The following EBF1 variants were observed in gnomAD, a reference collection of about 807,000 sequenced individuals.
EBF1 encodes EBF transcription factor 1.
EBF1 carries 10 observed loss-of-function variants against 68.4 expected under a neutral mutation model. The observed-to-expected ratio is 0.15, with a 90% CI of 0.09 to 0.25. The LOEUF is 0.25. Among genes scored for constraint, EBF1 ranks in the 10% least tolerant of loss-of-function variants. EBF1 has a pLI of 1.00. For missense variants in EBF1, 509 were observed against 794.4 expected (o/e 0.64, Z 4.32); for synonymous variants, 298 against 299.8 (o/e 0.99, Z 0.06).
intron 10 of EBF1, among the ~76,000 whole-genome samples, chr5:158,756,656 C>G (rs1278498483): frequency 6.6e-6 from 1 of 151,630 alleles, no homozygotes; most frequent in Non-Finnish European, 1.5e-5. Flanking sequence ...CATGCAAACT[C>G]TATCCTTGCA....
chr5:158,982,791 T>TAC (rs1321408662), intron 6 of EBF1, among the ~76,000 whole-genome samples: 1 of 141,246 alleles, frequency 7.1e-6, no homozygotes, highest in Non-Finnish European at 1.6e-5. Flanking sequence ...TATATATATA[T>TAC]ATATAGTGGT....
chr5:158,961,050 T>C (rs1311881779), intron 6 of EBF1, among the ~76,000 whole-genome samples: 2 of 152,192 alleles, frequency 1.3e-5, no homozygotes, highest in Non-Finnish European at 2.9e-5. Context: ...AAAATATGCA[T>C]ATAAATGGCC....
chr5:158,982,290 AT>A (rs1222798205), intron 6 of EBF1, among the ~76,000 whole-genome samples: 1 of 152,216 alleles, frequency 6.6e-6, no homozygotes. Flanking sequence ...GTTGTTACTA[AT>A]AGTATTATTT....
intron 10 of EBF1, among the ~76,000 whole-genome samples, chr5:158,771,958 T>C (rs1773964654): frequency 6.6e-6 from 1 of 152,112 alleles, no homozygotes; most frequent in Non-Finnish European, 1.5e-5. Flanking sequence ...GAGTTTGAAC[T>C]GGATCCTTCA....
At chr5:159,050,208 CT>C (rs1450465609) in intron 6 of EBF1, among the ~76,000 whole-genome samples, 3 of 148,184 alleles carry the variant, frequency 2.0e-5, no homozygotes, top group African/African-American at 7.5e-5. Context: ...CTCTCCTCTC[CT>C]CCCTCTCTCT....
intron 4 of EBF1, among the ~76,000 whole-genome samples, chr5:159,091,129 T>C (rs1584549029): frequency 6.6e-6 from 1 of 152,232 alleles, no homozygotes; most frequent in East Asian, 1.9e-4. Flanking sequence ...AATGCATCTC[T>C]ACTAATATGT....
chr5:158,767,429 C>T (rs1451033888), intron 10 of EBF1, among the ~76,000 whole-genome samples: 1 of 152,094 alleles, frequency 6.6e-6, no homozygotes, highest in Non-Finnish European at 1.5e-5. Context: ...CAGGTAATTC[C>T]ATAAATTAAC....
intron 10 of EBF1, among the ~76,000 whole-genome samples, chr5:158,742,104 C>T (rs1002574229): frequency 6.6e-6 from 1 of 152,206 alleles, no homozygotes; most frequent in Non-Finnish European, 1.5e-5. Flanking sequence ...GCAAGTTAGG[C>T]CAACCAAGGG....
intron 6 of EBF1, among the ~76,000 whole-genome samples, chr5:159,007,553 C>T (rs990133905): frequency 3.3e-5 from 5 of 152,138 alleles, no homozygotes; most frequent in African/African-American, 7.2e-5. Flanking sequence ...AAATTTGGTT[C>T]GCTCTGGTTG....
chr5:158,819,025 C>G (rs527347112), intron 8 of EBF1, among the ~76,000 whole-genome samples: 2 of 151,542 alleles, frequency 1.3e-5, no homozygotes, highest in Non-Finnish European at 2.9e-5. Flanking sequence ...AGCTCTAGAA[C>G]GTGCTCACAT....
chr5:158,770,137 C>G (rs1356702488), intron 10 of EBF1, among the ~76,000 whole-genome samples: 1 of 152,018 alleles, frequency 6.6e-6, no homozygotes, highest in Non-Finnish European at 1.5e-5. Context: ...TCACAAGATC[C>G]TTGGGATGCA....
At chr5:158,708,215 G>A (rs1420734745) in intron 14 of EBF1, 42 bp from the exon 15 acceptor site, 1 of 1,539,944 alleles carries the variant, frequency 6.5e-7, no homozygotes, top group Admixed American at 2.0e-5. Flanking sequence ...TGCCTTTCAT[G>A]GCATCCTGAA....
Position 159,099,675 on chromosome 5 carries a change from C to T in EBF1, c.-197G>A, listed in dbSNP as rs1380929349. On this transcript the variant is annotated 5_prime_UTR_variant, in exon 1 of 16. Transcript: ENST00000313708. ...TTTTTAAAAAATGTAAACCTCTGCT[C>T]AAAACTGAGCGATAACCCGAAAAAA... 1 of 519,094 alleles carries T rather than the reference C, an allele frequency of 1.9e-6. No individual in the cohort carries two copies. The highest frequency in any genetic ancestry group is 3.0e-6 in the Non-Finnish European group (1 of 335,384). The allele number at this position is 519,094 out of a possible 1,614,324, so 32.2% of individuals were successfully genotyped here.
At chr5:158,855,263 T>G (rs1452177535) in intron 6 of EBF1, among the ~76,000 whole-genome samples, 1 of 152,268 alleles carries the variant, frequency 6.6e-6, no homozygotes, top group East Asian at 1.9e-4. Flanking sequence ...GCTATACCTT[T>G]TAAACTGTGC....
chr5:158,771,861 G>C (rs1773938758), intron 10 of EBF1, among the ~76,000 whole-genome samples: 1 of 152,130 alleles, frequency 6.6e-6, no homozygotes, highest in Non-Finnish European at 1.5e-5. Context: ...GAGTAGCAAG[G>C]CTGGGATACG....
chr5:158,956,430 G>A (rs998506269), intron 6 of EBF1, among the ~76,000 whole-genome samples: 7 of 151,810 alleles, frequency 4.6e-5, no homozygotes, highest in Non-Finnish European at 1.0e-4. Flanking sequence ...AAGCTTAATT[G>A]CAGGATGTAC....
intron 6 of EBF1, among the ~76,000 whole-genome samples, chr5:158,988,768 G>A (rs768481328): frequency 2.6e-5 from 4 of 152,174 alleles, no homozygotes; most frequent in African/African-American, 7.2e-5. Flanking sequence ...TAGCTGATGC[G>A]AAGGAGAGAT....
At chr5:158,909,082 TAA>T (rs1484495823) in intron 6 of EBF1, among the ~76,000 whole-genome samples, 5 of 141,488 alleles carry the variant, frequency 3.5e-5, no homozygotes, top group Non-Finnish European at 7.7e-5. Context: ...AACATTAATA[TAA>T]CGGCACATGG....
chr5:158,992,290 G>A (rs1335394643), intron 6 of EBF1, among the ~76,000 whole-genome samples: 3 of 149,910 alleles, frequency 2.0e-5, no homozygotes, highest in Non-Finnish European at 4.4e-5. Context: ...ATGTAGCAGT[G>A]GAGGCCAAAA....
Sources: gnomAD v4.1 joint callset for allele counts (sites outside exome capture counted in the v4.1 genomes callset) on GRCh38, gnomAD v4.1.1 for gene constraint, MANE v1.5 for transcripts, NCBI Gene and HGNC (gene_info 2026-07-23, HGNC 2026-07-21) for gene names.